Variants in FMN2 observed in about 807,000 individuals in gnomAD.
FMN2 encodes formin 2.
FMN2 carries 51 observed loss-of-function variants against 142.3 expected under a neutral mutation model. That is an observed-to-expected ratio of 0.36 (90% confidence interval 0.29 to 0.45). The LOEUF is 0.45. Among genes scored for constraint, FMN2 ranks in the 20% least tolerant of loss-of-function variants. The pLI is 1.00. For missense variants in FMN2, 1,936 were observed against 2,122.8 expected (o/e 0.91, Z 1.73); for synonymous variants, 882 against 869.8 (o/e 1.01, Z -0.25).
At chr1:240,427,171 T>TTTTACATATATATATATATATATATATA (rs1222415126) in intron 15 of FMN2, among the ~76,000 whole-genome samples, 1 of 136,892 alleles carries the variant, frequency 7.3e-6, no homozygotes, top group African/African-American at 3.2e-5. Context: ...ACAACTGATT[T>TTTTACATATATATATATATATATATATA]TATATATATA....
At chr1:240,195,428 T>C (rs1026884022) in intron 4 of FMN2, among the ~76,000 whole-genome samples, 37 of 152,248 alleles carry the variant, frequency 2.4e-4, no homozygotes, top group African/African-American at 8.9e-4. Context: ...AAGAAGGCTG[T>C]GATGTGCCTT....
chr1:240,300,898 G>GTTTTT (rs10693362), intron 8 of FMN2, among the ~76,000 whole-genome samples: 1 of 142,702 alleles, frequency 7.0e-6, no homozygotes, highest in Admixed American at 6.9e-5. Flanking sequence ...CTGTGTGCAT[G>GTTTTT]TTTTTTTTTT....
chr1:240,451,360 A>G (rs1232485192), intron 16 of FMN2, among the ~76,000 whole-genome samples: 1 of 148,864 alleles, frequency 6.7e-6, no homozygotes, highest in Non-Finnish European at 1.5e-5. Context: ...CTCCATCTCA[A>G]AAAAAAAAAA....
At chr1:240,263,886 G>C (rs1409277574) in intron 7 of FMN2, among the ~76,000 whole-genome samples, 1 of 151,976 alleles carries the variant, frequency 6.6e-6, no homozygotes, top group African/African-American at 2.4e-5. Context: ...GGAATTATGG[G>C]CCCTTGGCAG....
intron 1 of FMN2, among the ~76,000 whole-genome samples, chr1:240,100,319 T>C (rs1478967483): frequency 1.3e-5 from 2 of 152,244 alleles, no homozygotes; most frequent in African/African-American, 4.8e-5. Context: ...TGTATTCCTC[T>C]GTTCATTCCT....
intron 1 of FMN2, among the ~76,000 whole-genome samples, chr1:240,104,781 G>C (rs1661540747): frequency 6.6e-6 from 1 of 152,068 alleles, no homozygotes; most frequent in African/African-American, 2.4e-5. Flanking sequence ...TGAAAGTCCT[G>C]CTGGGTTGTT....
At chr1:240,282,429 T>C (rs1669431047) in intron 7 of FMN2, among the ~76,000 whole-genome samples, 1 of 152,184 alleles carries the variant, frequency 6.6e-6, no homozygotes, top group Admixed American at 6.6e-5. Flanking sequence ...AAGAGAGTAA[T>C]AAAATTTAGA....
intron 2 of FMN2, among the ~76,000 whole-genome samples, chr1:240,153,449 C>T (rs34011195): frequency 0.079 from 11,499 of 146,022 alleles, 525 homozygotes; most frequent in African/African-American, 0.12. Context: ...CAGCCTTAAC[C>T]TCCTGGGCTG....
chr1:240,341,894 T>C (rs1671757530), intron 13 of FMN2, among the ~76,000 whole-genome samples: 10 of 152,190 alleles, frequency 6.6e-5, no homozygotes, highest in Admixed American at 6.5e-4. Flanking sequence ...GCCCCAGGCA[T>C]AGAGTTGCAT....
intron 4 of FMN2, among the ~76,000 whole-genome samples, chr1:240,195,117 A>G (rs1558352087): frequency 6.6e-6 from 1 of 152,104 alleles, no homozygotes; most frequent in Non-Finnish European, 1.5e-5. Flanking sequence ...ATTTGCATGT[A>G]TTTGCGAACT....
intron 8 of FMN2, among the ~76,000 whole-genome samples, chr1:240,314,189 A>G (rs936472758): frequency 6.6e-6 from 1 of 152,190 alleles, no homozygotes; most frequent in Non-Finnish European, 1.5e-5. Context: ...TATGAATAGT[A>G]GTTTAACAGA....
At chr1:240,468,103 A>G (rs970898531) in intron 16 of FMN2, among the ~76,000 whole-genome samples, 10 of 152,164 alleles carry the variant, frequency 6.6e-5, no homozygotes, top group East Asian at 1.9e-4. Context: ...TCATCTTAAA[A>G]TTTTTACTTC....
At chr1:240,159,921 A>ATTTG (rs1373572474) in intron 2 of FMN2, among the ~76,000 whole-genome samples, 153 of 137,174 alleles carry the variant, frequency 1.1e-3, no homozygotes, top group South Asian at 2.2e-3. Flanking sequence ...ATATATATAT[A>ATTTG]TATATATATA....
intron 7 of FMN2, among the ~76,000 whole-genome samples, chr1:240,280,280 T>C (rs531633780): frequency 1.5e-3 from 225 of 152,306 alleles, no homozygotes; most frequent in African/African-American, 5.1e-3. Context: ...AAAATTGTGA[T>C]TATAATCATT....
intron 16 of FMN2, among the ~76,000 whole-genome samples, chr1:240,446,577 T>C (rs963745821): frequency 1.3e-5 from 2 of 152,204 alleles, no homozygotes; most frequent in African/African-American, 4.8e-5. Context: ...GTGGCTTATG[T>C]GGGCCGAAAA....
At chr1:240,266,725 C>T (rs1668821978) in intron 7 of FMN2, among the ~76,000 whole-genome samples, 1 of 151,888 alleles carries the variant, frequency 6.6e-6, no homozygotes, top group Admixed American at 6.6e-5. Context: ...GAGACCAAAA[C>T]AGCATGGTAC....
chr1:240,121,823 T>C (rs574166220), intron 1 of FMN2, among the ~76,000 whole-genome samples: 1 of 135,032 alleles, frequency 7.4e-6, no homozygotes, highest in Admixed American at 8.1e-5. Context: ...CTGAGAGAAA[T>C]GTGAATTTTT....
chr1:240,339,162 G>T (rs529432235), intron 13 of FMN2, among the ~76,000 whole-genome samples: 9 of 152,096 alleles, frequency 5.9e-5, no homozygotes, highest in African/African-American at 1.2e-4. Context: ...CTAACAGGCC[G>T]CAGACCAGCA....
intron 8 of FMN2, among the ~76,000 whole-genome samples, chr1:240,316,399 G>A (rs1670780295): frequency 6.6e-6 from 1 of 152,164 alleles, no homozygotes; most frequent in Non-Finnish European, 1.5e-5. Flanking sequence ...AATCTATAAT[G>A]TGTTTTAGGT....
Sources: allele counts gnomAD v4.1 joint callset (sites outside exome capture counted in the v4.1 genomes callset), GRCh38; gene constraint gnomAD v4.1.1; transcripts MANE v1.5; gene names NCBI Gene and HGNC (gene_info 2026-07-23, HGNC 2026-07-21).